The following SLC7A1 variants were observed in gnomAD, a reference collection of about 807,000 sequenced individuals.
SLC7A1 encodes solute carrier family 7 member 1.
SLC7A1 carries 10 observed loss-of-function variants against 53.9 expected under a neutral mutation model. The observed-to-expected ratio is 0.19, with a 90% confidence interval of 0.11 to 0.31. The LOEUF (loss-of-function observed/expected upper bound fraction) is 0.31, where lower values mean the gene tolerates loss of function less well. SLC7A1 is among the 10% of genes least tolerant of loss of function. The probability of loss-of-function intolerance (pLI) is 1.00; values close to 1 mark genes in which losing one functional copy is unlikely to be tolerated. For synonymous variants in SLC7A1, 342 were observed against 338.7 expected, an observed-to-expected ratio of 1.01 and a Z score of -0.11; for missense variants, 525 against 827.2, an observed-to-expected ratio of 0.63 and a Z score of 4.48.
intron 2 of SLC7A1, among the ~76,000 whole-genome samples, chr13:29,547,300 C>T (rs372252664): frequency 7.2e-5 from 11 of 152,260 alleles, no homozygotes; most frequent in Middle Eastern, 3.4e-3. Flanking sequence ...AGCCAAGACC[C>T]GCTGGCTGTG....
chr13:29,586,486 G>C (rs543827325), intron 1 of SLC7A1, among the ~76,000 whole-genome samples: 2 of 152,188 alleles, frequency 1.3e-5, no homozygotes, highest in Non-Finnish European at 2.9e-5. Context: ...ATTGCACCCA[G>C]ATGGTTTCAC....
intron 8 of SLC7A1, among the ~76,000 whole-genome samples, chr13:29,520,888 G>C (rs2139075267): frequency 6.6e-6 from 1 of 152,324 alleles, no homozygotes; most frequent in Middle Eastern, 3.4e-3. Flanking sequence ...TCCATGTGAG[G>C]TGATTTTAGA....
chr13:29,555,159 C>T (rs1431084904), intron 1 of SLC7A1, among the ~76,000 whole-genome samples: 1 of 150,314 alleles, frequency 6.7e-6, no homozygotes, highest in African/African-American at 2.4e-5. Context: ...GAGATCGAGA[C>T]CATCCCGGCT....
intron 2 of SLC7A1, among the ~76,000 whole-genome samples, chr13:29,551,831 T>C (rs1870204747): frequency 6.6e-6 from 1 of 152,196 alleles, no homozygotes; most frequent in South Asian, 2.1e-4. Context: ...ACTTCCCTGC[T>C]GGCCAGCAGC....
At chr13:29,569,335 A>G (rs1042886696) in intron 1 of SLC7A1, among the ~76,000 whole-genome samples, 2 of 152,160 alleles carry the variant, frequency 1.3e-5, no homozygotes, top group Non-Finnish European at 2.9e-5. Flanking sequence ...AGAAGTGGTT[A>G]GGGCCCCCTC....
At chr13:29,573,558 C>T (rs1175865712) in intron 1 of SLC7A1, among the ~76,000 whole-genome samples, 2 of 152,108 alleles carry the variant, frequency 1.3e-5, no homozygotes, top group South Asian at 2.1e-4. Flanking sequence ...TCAAAGTGCA[C>T]CAGGAGCCAC....
intron 11 of SLC7A1, 111 bp from the exon 12 acceptor site, chr13:29,516,357 G>A (rs1210259995): frequency 1.7e-5 from 12 of 701,598 alleles, no homozygotes; most frequent in African/African-American, 5.3e-5. Flanking sequence ...ACCGTCGGGC[G>A]AGTGTGGGGA....
At chr13:29,561,370 G>A (rs1870746829) in intron 1 of SLC7A1, among the ~76,000 whole-genome samples, 1 of 152,160 alleles carries the variant, frequency 6.6e-6, no homozygotes, top group Admixed American at 6.5e-5. Flanking sequence ...AAGGCAGTGG[G>A]GAGAACTCTG....
In SLC7A1 at chr13:29,512,790, T is replaced by C. The variant is rs3013640; in HGVS notation, c.*1690A>G. On this transcript the variant is annotated 3_prime_UTR_variant, in exon 13 of 13. Coordinates refer to ENST00000380752, the MANE Select transcript of SLC7A1 (RefSeq NM_003045.5). ...AGGTGAGCAGGCCTGATACGGAGGC[T>C]CAGCCCATGGCCATCCACCCGCCCT... The C allele has an allele frequency of 0.96, 145,993 of 152,258 alleles. 70,115 individuals are homozygous for C. The highest frequency in any genetic ancestry group is 0.99 in the Non-Finnish European group (67,079 of 68,064). The allele number at this position is 152,258 out of a possible 1,614,324, so 9.4% of individuals were successfully genotyped here.
chr13:29,570,736 A>G (rs760424964), intron 1 of SLC7A1, among the ~76,000 whole-genome samples: 3 of 152,158 alleles, frequency 2.0e-5, no homozygotes, highest in Non-Finnish European at 4.4e-5. Flanking sequence ...TTGTGCTTAT[A>G]GTCCCAGCAA....
chr13:29,579,479 G>A (rs1361026766), intron 1 of SLC7A1, among the ~76,000 whole-genome samples: 1 of 151,796 alleles, frequency 6.6e-6, no homozygotes, highest in African/African-American at 2.4e-5. Flanking sequence ...TCTTGCCTCA[G>A]CCTCCCGAGT....
chr13:29,533,148 G>A (rs2802252), intron 3 of SLC7A1, among the ~76,000 whole-genome samples, 166 bp from the exon 4 acceptor site: 48,377 of 151,974 alleles, frequency 0.32, 8,150 homozygotes, highest in African/African-American at 0.39. Flanking sequence ...AGTGACGGTC[G>A]ACTAGTGCTA....
intron 1 of SLC7A1, among the ~76,000 whole-genome samples, chr13:29,583,798 C>G (rs1433191862): frequency 6.6e-6 from 1 of 152,240 alleles, no homozygotes; most frequent in Admixed American, 6.5e-5. Context: ...GCAAGACAGA[C>G]ATTCTTCCCA....
chr13:29,511,297 T>G lies in SLC7A1; in HGVS notation c.*3183A>C, dbSNP rs1883381923. 6.6e-6 allele frequency: 1 copy of G among 152,286 alleles called. No homozygotes were observed. The highest frequency in any genetic ancestry group is 2.4e-5 in the African/African-American group (1 of 41,456). 9.4% of individuals were successfully genotyped at this position (152,286 alleles called of 1,614,324 possible). On this transcript the variant is annotated 3_prime_UTR_variant, in exon 13 of 13. Coordinates refer to ENST00000380752, the MANE Select transcript of SLC7A1 (RefSeq NM_003045.5). ...CAGCACAAGGGACCAGGTGGCTGGC[T>G]GCCTGAGAGAGAAAATAAGTCACAG... is the stretch of plus-strand genomic sequence containing the variant.
At chr13:29,579,766 T>A (rs1259717040) in intron 1 of SLC7A1, among the ~76,000 whole-genome samples, 1 of 152,210 alleles carries the variant, frequency 6.6e-6, no homozygotes, top group Non-Finnish European at 1.5e-5. Flanking sequence ...ATTCCTCTGA[T>A]GGGGCACAAA....
chr13:29,583,341 A>C (rs533613658), intron 1 of SLC7A1, among the ~76,000 whole-genome samples: 1 of 152,304 alleles, frequency 6.6e-6, no homozygotes, highest in East Asian at 1.9e-4. Flanking sequence ...CGTGTTGAGA[A>C]ACCCATGCTT....
chr13:29,514,975 G>T (rs1202709827), intron 12 of SLC7A1, among the ~76,000 whole-genome samples: 1 of 152,198 alleles, frequency 6.6e-6, no homozygotes, highest in African/African-American at 2.4e-5. Flanking sequence ...GAGGTCTCCA[G>T]GCTCTCAGCC....
At chr13:29,525,863 G>T (rs1055441027) in intron 5 of SLC7A1, among the ~76,000 whole-genome samples, 1 of 152,220 alleles carries the variant, frequency 6.6e-6, no homozygotes, top group African/African-American at 2.4e-5. Context: ...CAAGTCAGCA[G>T]GGCCGCAGGA....
intron 1 of SLC7A1, among the ~76,000 whole-genome samples, chr13:29,566,178 A>G (rs1025381548): frequency 6.6e-6 from 1 of 152,238 alleles, no homozygotes; most frequent in African/African-American, 2.4e-5. Flanking sequence ...ATTGTCCCAC[A>G]ATTAAAAAAT....
Sources: gnomAD v4.1 joint callset for allele counts (sites outside exome capture counted in the v4.1 genomes callset) on GRCh38, gnomAD v4.1.1 for gene constraint, MANE v1.5 for transcripts, NCBI Gene and HGNC (gene_info 2026-07-23, HGNC 2026-07-21) for gene names.